KMT5B: variants seen among roughly 807,000 people sequenced by gnomAD.
KMT5B encodes the protein lysine methyltransferase 5B, also known as histone-lysine N-methyltransferase KMT5B.
KMT5B carries 10 observed loss-of-function variants against 83.2 expected under a neutral mutation model. The observed-to-expected ratio is 0.12, with a 90% CI of 0.07 to 0.20. The LOEUF (loss-of-function observed/expected upper bound fraction) is 0.20. Ranked by LOEUF, KMT5B falls within the 10% of genes least tolerant of loss-of-function variation. The pLI, the probability that KMT5B is intolerant of heterozygous loss-of-function variation, is 1.00. For synonymous variants in KMT5B, 349 were observed against 388.8 expected (o/e 0.90, Z 1.20); for missense variants, 753 against 1,067.2 (o/e 0.71, Z 4.10).
chr11:68,189,296 T>TA (rs1857783951), intron 2 of KMT5B, among the ~76,000 whole-genome samples: 1 of 152,206 alleles, frequency 6.6e-6, no homozygotes, highest in African/African-American at 2.4e-5. Context: ...AACTATGAAA[T>TA]ACGCACCAAA....
intron 10 of KMT5B, among the ~76,000 whole-genome samples, chr11:68,162,927 G>A (rs944254325): frequency 6.6e-6 from 1 of 152,218 alleles, no homozygotes; most frequent in Non-Finnish European, 1.5e-5. Context: ...AGAGTGACAA[G>A]AGTCCTTCAC....
intron 9 of KMT5B, among the ~76,000 whole-genome samples, chr11:68,170,689 C>T (rs1208155895): frequency 6.6e-6 from 1 of 152,130 alleles, no homozygotes; most frequent in African/African-American, 2.4e-5. Context: ...TTTTGAGTAG[C>T]GGCAACCCCA....
chr11:68,200,279 C>T (rs1338791685), intron 1 of KMT5B, among the ~76,000 whole-genome samples: 1 of 152,124 alleles, frequency 6.6e-6, no homozygotes, highest in African/African-American at 2.4e-5. Context: ...CACAGGATCA[C>T]AAAAGGAGCA....
chr11:68,166,059 G>A, intron 10 of KMT5B: 6 of 1,556,484 alleles, frequency 3.9e-6, no homozygotes, highest in Non-Finnish European at 5.2e-6. Flanking sequence ...AAGTCTCACT[G>A]GACATTTAAG....
chr11:68,159,808 G>C (rs961579638), intron 10 of KMT5B, among the ~76,000 whole-genome samples: 1 of 152,242 alleles, frequency 6.6e-6, no homozygotes. Context: ...AGGAACAGAA[G>C]AGGCAACCAG....
intron 3 of KMT5B, among the ~76,000 whole-genome samples, chr11:68,181,479 T>C (rs1313140303): frequency 1.3e-5 from 2 of 151,996 alleles, no homozygotes; most frequent in Non-Finnish European, 2.9e-5. Flanking sequence ...AAATTACAGG[T>C]GCATAAACAT....
At chr11:68,159,251 A>AAT (rs1419095899) in intron 10 of KMT5B, 80 bp from the exon 11 acceptor site, 1 of 1,492,402 alleles carries the variant, frequency 6.7e-7, no homozygotes, top group Non-Finnish European at 8.8e-7. Context: ...CCAGGCTATT[A>AAT]GCTACAGCAC....
chr11:68,204,522 C>T (rs1859832770), intron 1 of KMT5B, among the ~76,000 whole-genome samples: 1 of 152,022 alleles, frequency 6.6e-6, no homozygotes, highest in Admixed American at 6.6e-5. Flanking sequence ...AGCAGCTTCC[C>T]TCCACAGCCC....
At chr11:68,185,567 T>C (rs368497796) in intron 3 of KMT5B, among the ~76,000 whole-genome samples, 1 of 152,326 alleles carries the variant, frequency 6.6e-6, no homozygotes, top group South Asian at 2.1e-4. Context: ...TTAATAGAAA[T>C]GTTCTGAGGT....
Position 68,156,567 on chromosome 11 carries a change from T to A in KMT5B, c.*1121A>T, listed in dbSNP as rs1175569966. On this transcript the variant is annotated 3_prime_UTR_variant, in exon 11 of 11. Coordinates refer to ENST00000304363, the MANE Select transcript of KMT5B (RefSeq NM_017635.5). ...ACTATATATTTATAATTTCCTATTT[T>A]ATTGGCATGAATATTTCTAAACTTA... 1 of 152,634 alleles carries A rather than the reference T, an allele frequency of 6.6e-6. No individual in the cohort carries two copies. Among genetic ancestry groups the A allele is most frequent in the Non-Finnish European group, 1.5e-5 (1 of 68,032 alleles). The allele number at this position is 152,634 out of a possible 1,614,324, so 9.5% of individuals were successfully genotyped here. A position where few individuals can be genotyped will look rare whatever the true frequency, so the allele number is the denominator to read the frequency against.
At chr11:68,179,728 C>T (rs1388945718) in intron 4 of KMT5B, 3 of 852,178 alleles carry the variant, frequency 3.5e-6, no homozygotes, top group East Asian at 1.4e-4. Flanking sequence ...CATGAGGCAA[C>T]ATAGTGAACA....
At chr11:68,161,150 G>A (rs772240193) in intron 10 of KMT5B, among the ~76,000 whole-genome samples, 4 of 152,108 alleles carry the variant, frequency 2.6e-5, no homozygotes, top group Admixed American at 6.5e-5. Context: ...ATTTGAGAAC[G>A]AGTGATTTAT....
chr11:68,169,459 A>G (rs1470614429), intron 9 of KMT5B, among the ~76,000 whole-genome samples: 1 of 152,260 alleles, frequency 6.6e-6, no homozygotes, highest in Non-Finnish European at 1.5e-5. Context: ...AAACAGATAC[A>G]AGCCCCTGCC....
intron 2 of KMT5B, among the ~76,000 whole-genome samples, chr11:68,187,292 C>T (rs73509372): frequency 0.02 from 3,054 of 152,294 alleles, 106 homozygotes; most frequent in African/African-American, 0.069. Flanking sequence ...GCCACCACGC[C>T]CAGTCTTCTT....
intron 1 of KMT5B, among the ~76,000 whole-genome samples, chr11:68,191,983 A>G (rs564722537): frequency 7.9e-5 from 12 of 152,294 alleles, no homozygotes; most frequent in South Asian, 4.1e-4. Context: ...TTATGTTTAT[A>G]TATGTTTAGA....
chr11:68,206,714 A>T (rs1162072496), intron 1 of KMT5B, among the ~76,000 whole-genome samples: 2 of 152,220 alleles, frequency 1.3e-5, no homozygotes, highest in African/African-American at 4.8e-5. Flanking sequence ...TAACTAAGGC[A>T]AAAGTAAAGC....
intron 1 of KMT5B, among the ~76,000 whole-genome samples, chr11:68,190,825 A>G (rs1857954769): frequency 1.3e-5 from 2 of 152,168 alleles, no homozygotes; most frequent in Non-Finnish European, 2.9e-5. Context: ...TCTACAGAAA[A>G]TAAAAAAGTG....
chr11:68,195,967 G>A (rs1358156412), intron 1 of KMT5B, among the ~76,000 whole-genome samples: 10 of 152,144 alleles, frequency 6.6e-5, no homozygotes, highest in Middle Eastern at 6.8e-3. Context: ...GACCAGCCTC[G>A]CCAACATGGT....
chr11:68,198,086 A>G (rs1858935857), intron 1 of KMT5B, among the ~76,000 whole-genome samples: 1 of 152,200 alleles, frequency 6.6e-6, no homozygotes. Flanking sequence ...AGCTAACACA[A>G]GTCGATACTG....
Sources: allele counts gnomAD v4.1 joint callset (sites outside exome capture counted in the v4.1 genomes callset), GRCh38; gene constraint gnomAD v4.1.1; transcripts MANE v1.5; gene names NCBI Gene and HGNC (gene_info 2026-07-23, HGNC 2026-07-21).